FREM1: variants seen among roughly 807,000 people sequenced by gnomAD.
The protein encoded by FREM1 is FRAS1 related extracellular matrix 1.
FREM1 carries 220 observed loss-of-function variants against 210.1 expected under a neutral mutation model. That is an observed-to-expected ratio of 1.05 (90% CI 0.94 to 1.17). FREM1 has a LOEUF of 1.17. FREM1 is among the 50% of genes most tolerant of loss of function. The probability of loss-of-function intolerance (pLI) is 0.00; values close to 1 mark genes in which losing one functional copy is unlikely to be tolerated. For missense variants in FREM1, 3,454 were observed against 2,675.5 expected, an observed-to-expected ratio of 1.29 and a Z score of -6.42; for synonymous variants, 1,189 against 980.2, an observed-to-expected ratio of 1.21 and a Z score of -3.98.
intron 1 of FREM1, among the ~76,000 whole-genome samples, chr9:14,875,904 T>C (rs936014736): frequency 1.3e-5 from 2 of 152,246 alleles, no homozygotes; most frequent in African/African-American, 4.8e-5. Context: ...GACAGGACCC[T>C]CAGCTGCAGG....
rs763109867 is a variant in FREM1 at position 14,740,156 on chromosome 9, A to T, written c.6333T>A (p.Phe2111Leu). 10 of 1,611,612 alleles carry T rather than the reference A, an allele frequency of 6.2e-6. No individual in the cohort carries two copies. The highest frequency in any genetic ancestry group is 8.5e-6 in the Non-Finnish European group (10 of 1,178,340). ...TCCCTCCCAGATACTTGCCTATCCA[A>T]AAGGACTTTCTCCCACCAATGTCCC... ...WLWDIGGRKS[F>L]WIGLNDQVHA... Residue 2111 changes from phenylalanine (F) to leucine (L), a missense_variant, in exon 36 of 37, where the codon TTT becomes TTA. Transcript: ENST00000380880.
chr9:14,824,227 T>G (rs1176284165), intron 11 of FREM1, 112 bp from the exon 12 acceptor site: 1 of 658,014 alleles, frequency 1.5e-6, no homozygotes, highest in South Asian at 1.9e-5. Context: ...AATTGGGTGC[T>G]CTATCTTTAT....
At chr9:14,790,174 T>C (rs1294545245) in intron 22 of FREM1, among the ~76,000 whole-genome samples, 1 of 152,160 alleles carries the variant, frequency 6.6e-6, no homozygotes, top group Admixed American at 6.5e-5. Flanking sequence ...TGACCTTTCA[T>C]CTTTTAAGTT....
chr9:14,798,763 T>C (rs1392944022), intron 20 of FREM1, among the ~76,000 whole-genome samples: 1 of 152,100 alleles, frequency 6.6e-6, no homozygotes, highest in African/African-American at 2.4e-5. Context: ...AACATCTACC[T>C]CCTGGGTTCA....
Position 14,769,774 on chromosome 9 carries a change from G to A in FREM1, c.5154C>T (p.Thr1718=), listed in dbSNP as rs753977211. 18 of 1,609,710 alleles carry A rather than the reference G, an allele frequency of 1.1e-5. No individual in the cohort carries two copies. The highest frequency in any genetic ancestry group is 1.7e-4 in the Middle Eastern group (1 of 6,046). Residue 1718 remains threonine, a synonymous_variant, in exon 27 of 37, where the codon ACC becomes ACT. Coordinates refer to ENST00000380880, the MANE Select transcript of FREM1 (RefSeq NM_001379081.2). ...TGGGGTCCATGATTTGAAATTCCAC[G>A]GTATCTGAATTTACTTCCAAAGATG... ...INPSLEVNSD[T]VEFQIMDPTG...
chr9:14,796,916 G>A (rs975707918), intron 21 of FREM1, among the ~76,000 whole-genome samples: 1 of 152,182 alleles, frequency 6.6e-6, no homozygotes, highest in African/African-American at 2.4e-5. Context: ...TACTGAGAAA[G>A]TTTACAATTG....
At chr9:14,880,878 T>C (rs1354169535) in intron 1 of FREM1, among the ~76,000 whole-genome samples, 3 of 152,030 alleles carry the variant, frequency 2.0e-5, no homozygotes, top group Admixed American at 2.0e-4. Flanking sequence ...TAACCGAAAA[T>C]AAATTGAAGA....
intron 22 of FREM1, among the ~76,000 whole-genome samples, chr9:14,792,272 GCACACACACACA>G (rs34037291): frequency 7.0e-6 from 1 of 142,244 alleles, no homozygotes; most frequent in East Asian, 2.1e-4. Flanking sequence ...ACACACACAC[GCACACACACACA>G]CACACACACA....
chr9:14,768,834 G>C (rs1037008295), intron 27 of FREM1, among the ~76,000 whole-genome samples: 9 of 152,154 alleles, frequency 5.9e-5, no homozygotes, highest in Non-Finnish European at 1.0e-4. Flanking sequence ...GAGTATAACA[G>C]AGCACAGAGC....
At chr9:14,750,015 C>A (rs1843076467) in intron 30 of FREM1, 112 bp downstream of exon 30, 1 of 1,157,922 alleles carries the variant, frequency 8.6e-7, no homozygotes, top group Non-Finnish European at 1.3e-6. Context: ...GCTTTCTTGA[C>A]AAGAAATTAA....
Position 14,784,460 on chromosome 9 carries a change from G to A in FREM1, c.4352C>T (p.Pro1451Leu), listed in dbSNP as rs562120622. ...ATCCATTTGGCTGAAGTTTGTAATG[G>A]GAACTCCAGGATAGTGAACATATTC... ...QIEYVHYPGV[P>L]ITNFSQMDVV... The change falls in exon 24 of 37, where the codon CCC (proline) becomes CTC (leucine). Residue 1451 changes from proline (P) to leucine (L), a missense_variant. Physicochemically the swap from Pro to Leu is moderately conservative, Grantham distance 98. Transcript: ENST00000380880. The A allele has an allele frequency of 6.2e-7, 1 of 1,613,896 alleles. No homozygotes were observed. Among genetic ancestry groups the A allele is most frequent in the Non-Finnish European group, 8.5e-7 (1 of 1,179,846 alleles).
At chr9:14,807,196 A>C (rs12347233) in intron 17 of FREM1, among the ~76,000 whole-genome samples, 19,989 of 152,254 alleles carry the variant, frequency 0.13, 1,358 homozygotes, top group South Asian at 0.16. Context: ...AATGAAAGTA[A>C]GAATTGCCCA....
In FREM1 at chr9:14,756,357, G is replaced by A; in HGVS notation, c.5407+17C>T. On this transcript the variant is annotated intron_variant, in intron 29 of 36. Transcript: ENST00000380880. ...AAAAACAAAACACATAAAACAAACT[G>A]CAGACACAAAATGTACCTGGGTCAA... The A allele has an allele frequency of 6.4e-7, 1 of 1,554,224 alleles. No individual in the cohort carries two copies. The highest frequency in any genetic ancestry group is 1.2e-5 in the South Asian group (1 of 82,528).
chr9:14,798,432 G>A (rs1425370374), intron 20 of FREM1, among the ~76,000 whole-genome samples: 1 of 151,992 alleles, frequency 6.6e-6, no homozygotes, highest in Non-Finnish European at 1.5e-5. Flanking sequence ...AAAACATAAT[G>A]AGACCTTGTC....
chr9:14,746,067 A>G (rs1842367142), intron 35 of FREM1, among the ~76,000 whole-genome samples: 1 of 152,230 alleles, frequency 6.6e-6, no homozygotes. Flanking sequence ...AAAAAGAAAC[A>G]TGGCAATGGT....
chr9:14,843,242 C>T (rs1489449828), intron 8 of FREM1, among the ~76,000 whole-genome samples: 1 of 152,186 alleles, frequency 6.6e-6, no homozygotes, highest in Non-Finnish European at 1.5e-5. Flanking sequence ...AACCAGCCAT[C>T]CTCTAACACC....
intron 1 of FREM1, among the ~76,000 whole-genome samples, chr9:14,869,613 G>A (rs1271316835): frequency 2.6e-5 from 4 of 152,172 alleles, no homozygotes; most frequent in Non-Finnish European, 5.9e-5. Flanking sequence ...TTTGTTAAAT[G>A]AGGATTATAA....
At chr9:14,855,659 T>A (rs1360071039) in intron 5 of FREM1, among the ~76,000 whole-genome samples, 1 of 152,180 alleles carries the variant, frequency 6.6e-6, no homozygotes, top group Non-Finnish European at 1.5e-5. Context: ...GTGTTTTTTT[T>A]AATATTCTCT....
intron 35 of FREM1, 37 bp from the exon 36 acceptor site, chr9:14,740,271 C>T: frequency 7.0e-7 from 1 of 1,432,566 alleles, no homozygotes; most frequent in Non-Finnish European, 9.8e-7. Flanking sequence ...CAGCAACAAG[C>T]AGTTAACATT....
Sources: gnomAD v4.1 joint callset for allele counts (sites outside exome capture counted in the v4.1 genomes callset) on GRCh38, gnomAD v4.1.1 for gene constraint, MANE v1.5 for transcripts, NCBI Gene and HGNC (gene_info 2026-07-23, HGNC 2026-07-21) for gene names.